Variants in PRDM15 observed in about 807,000 individuals in gnomAD.
PRDM15 encodes the protein PR/SET domain 15, also known as PR domain zinc finger protein 15.
PRDM15 carries 64 observed loss-of-function variants against 128.6 expected under a neutral mutation model. The observed-to-expected ratio is 0.50, with a 90% CI of 0.41 to 0.61. PRDM15 has a LOEUF of 0.61. Among genes scored for constraint, PRDM15 ranks in the 20% least tolerant of loss-of-function variants. The pLI, the probability that PRDM15 is intolerant of heterozygous loss-of-function variation, is 0.00. For missense variants in PRDM15, 1,242 were observed against 1,569.1 expected (o/e 0.79, Z 3.52); for synonymous variants, 615 against 621.8 (o/e 0.99, Z 0.16).
chr21:41,840,442 C>CAAA (rs35052917), intron 6 of PRDM15, among the ~76,000 whole-genome samples: 8 of 91,132 alleles, frequency 8.8e-5, no homozygotes, highest in African/African-American at 1.2e-4. Context: ...AAGACTGTCT[C>CAAA]AAAAAAAAAA....
chr21:41,869,867 G>A (rs1042151232), intron 1 of PRDM15, among the ~76,000 whole-genome samples: 4 of 152,216 alleles, frequency 2.6e-5, no homozygotes, highest in African/African-American at 7.2e-5. Flanking sequence ...CCATGGCCTC[G>A]GCACTGCTGA....
chr21:41,814,771 A>G (rs1268730650), intron 19 of PRDM15: 1 of 147,148 alleles, frequency 6.8e-6, no homozygotes, highest in Non-Finnish European at 1.5e-5. Context: ...CTAGTGTTTT[A>G]TGAGAATGCC....
chr21:41,851,352 G>A (rs576924723), intron 5 of PRDM15, among the ~76,000 whole-genome samples: 1 of 152,350 alleles, frequency 6.6e-6, no homozygotes, highest in African/African-American at 2.4e-5. Context: ...TCATTTCTGA[G>A]ACGCAGGCAG....
intron 21 of PRDM15, among the ~76,000 whole-genome samples, chr21:41,809,236 T>TA: frequency 6.7e-6 from 1 of 148,232 alleles, no homozygotes; most frequent in Non-Finnish European, 1.5e-5. Flanking sequence ...AATTTTTTCT[T>TA]TTTTTTTTTT....
At chr21:41,871,888 C>A (rs2276232) in intron 1 of PRDM15, 143,873 of 331,420 alleles carry the variant, frequency 0.43, 31,964 homozygotes, top group Non-Finnish European at 0.48. Context: ...CCGGCCTCCA[C>A]CTGCGCACAC....
chr21:41,809,618 C>T (rs541693135), intron 21 of PRDM15, among the ~76,000 whole-genome samples: 3 of 152,280 alleles, frequency 2.0e-5, no homozygotes, highest in East Asian at 3.9e-4. Flanking sequence ...GCTGCTTTTA[C>T]GCTTAGAGAG....
chr21:41,834,598 T>C lies in PRDM15; in HGVS notation c.1366+839A>G, dbSNP rs1274931907. On this transcript the variant is annotated intron_variant, in intron 11 of 23. Transcript: ENST00000398548. ...AGGGGGACACAAAGGCAACAGTGAC[T>C]CACCCCTCTGTGCCCCGCTGGGGAC... is the stretch of plus-strand genomic sequence containing the variant. 23 of 1,526,250 alleles carry C rather than the reference T, an allele frequency of 1.5e-5. No individual in the cohort carries two copies. In the Admixed American group the frequency reaches 1.8e-4, roughly 12 times the overall value. The allele number at this position is 1,526,250 out of a possible 1,614,324, so 94.5% of individuals were successfully genotyped here.
chr21:41,872,659 G>A (rs187870566), intron 1 of PRDM15, among the ~76,000 whole-genome samples: 1 of 152,230 alleles, frequency 6.6e-6, no homozygotes, highest in East Asian at 1.9e-4. Context: ...ATCTCTTTGT[G>A]TCGGAAACAT....
chr21:41,876,887 A>G (rs954449639), intron 1 of PRDM15, among the ~76,000 whole-genome samples: 8 of 152,068 alleles, frequency 5.3e-5, no homozygotes, highest in African/African-American at 1.4e-4. Flanking sequence ...CCTGGATTCC[A>G]GTGATGCCAG....
chr21:41,874,146 G>A (rs1016322494), intron 1 of PRDM15, among the ~76,000 whole-genome samples: 2 of 151,330 alleles, frequency 1.3e-5, no homozygotes, highest in Non-Finnish European at 2.9e-5. Context: ...TGGCTGTCCT[G>A]TGTTTGCTTA....
chr21:41,874,528 T>A (rs1353797493), intron 1 of PRDM15, among the ~76,000 whole-genome samples: 147 of 141,170 alleles, frequency 1.0e-3, no homozygotes, highest in Middle Eastern at 3.6e-3. Context: ...TATATATATT[T>A]TTTTTTTTTT....
chr21:41,860,949 T>C (rs1389375394), intron 1 of PRDM15, among the ~76,000 whole-genome samples: 1 of 152,178 alleles, frequency 6.6e-6, no homozygotes, highest in Admixed American at 6.5e-5. Flanking sequence ...ATATTAGCCA[T>C]CAATTTCCAT....
chr21:41,813,969 GTT>G (rs2061952128), intron 19 of PRDM15: 1 of 145,266 alleles, frequency 6.9e-6, no homozygotes, highest in African/African-American at 2.6e-5. Context: ...GTGCTCTAGT[GTT>G]TTATGAGAAC....
intron 1 of PRDM15, chr21:41,871,363 C>T: frequency 1.9e-6 from 1 of 515,540 alleles, no homozygotes; most frequent in Non-Finnish European, 3.0e-6. Flanking sequence ...CCTCCTGCAC[C>T]ACCACCTCTG....
chr21:41,872,954 T>A (rs2064266376), intron 1 of PRDM15, among the ~76,000 whole-genome samples: 1 of 152,224 alleles, frequency 6.6e-6, no homozygotes, highest in Non-Finnish European at 1.5e-5. Context: ...GTGCACGGGT[T>A]CTGTTGCTGG....
chr21:41,841,686 T>G (rs967314337), intron 6 of PRDM15, among the ~76,000 whole-genome samples: 1 of 152,160 alleles, frequency 6.6e-6, no homozygotes, highest in Non-Finnish European at 1.5e-5. Context: ...AGCCCACACA[T>G]CAAAGAGATG....
At chr21:41,830,805 TAGCCAGTCA>T (rs1485378589) in intron 11 of PRDM15, among the ~76,000 whole-genome samples, 2 of 152,162 alleles carry the variant, frequency 1.3e-5, no homozygotes, top group Non-Finnish European at 2.9e-5. Flanking sequence ...TCCTGGAAGG[TAGCCAGTCA>T]AACTGTGGTT....
At chr21:41,837,808 G>T in intron 8 of PRDM15, 126 bp downstream of exon 8, 1 of 899,620 alleles carries the variant, frequency 1.1e-6, no homozygotes, top group South Asian at 1.6e-5. Context: ...TGCCTCCTCA[G>T]CAGGTCTGTT....
intron 1 of PRDM15, chr21:41,878,647 A>C: frequency 8.1e-7 from 1 of 1,241,834 alleles, no homozygotes; most frequent in Non-Finnish European, 1.1e-6. Context: ...CTCTGCCACC[A>C]AAAGGCTTAC....
Sources: gnomAD v4.1 joint callset for allele counts (sites outside exome capture counted in the v4.1 genomes callset) on GRCh38, gnomAD v4.1.1 for gene constraint, MANE v1.5 for transcripts, NCBI Gene and HGNC (gene_info 2026-07-23, HGNC 2026-07-21) for gene names.